The following SLC24A2 variants were observed in gnomAD, a reference collection of about 807,000 sequenced individuals.
The protein encoded by SLC24A2 is sodium/potassium/calcium exchanger 2.
Under a neutral mutation model 62.0 loss-of-function variants are expected in SLC24A2, and 36 were observed. The observed-to-expected ratio is 0.58, with a 90% confidence interval of 0.44 to 0.77. The LOEUF (loss-of-function observed/expected upper bound fraction) is 0.77, where lower values mean the gene tolerates loss of function less well. SLC24A2 is among the 30% of genes least tolerant of loss of function. The pLI is 0.00. For missense variants in SLC24A2, 846 were observed against 817.9 expected (o/e 1.03, Z -0.42); for synonymous variants, 358 against 294.0 (o/e 1.22, Z -2.23).
the SLC24A2 span, among the ~76,000 whole-genome samples, chr9:19,924,719 GAGAAA>G: frequency 6.6e-6 from 1 of 152,180 alleles, no homozygotes; most frequent in African/African-American, 2.4e-5. Flanking sequence ...AATAAAGGAG[GAGAAA>G]AGAAGACTGA....
the SLC24A2 span, among the ~76,000 whole-genome samples, chr9:20,157,280 C>T: frequency 6.6e-6 from 1 of 151,290 alleles, no homozygotes; most frequent in East Asian, 2.0e-4. Context: ...ACACATGACC[C>T]ACATATTTAG....
At chr9:20,024,033 T>G in the SLC24A2 span, among the ~76,000 whole-genome samples, 1 of 152,222 alleles carries the variant, frequency 6.6e-6, no homozygotes, top group African/African-American at 2.4e-5. Flanking sequence ...GGAAACGCTT[T>G]CCCATTTTCC....
the SLC24A2 span, among the ~76,000 whole-genome samples, chr9:19,922,622 C>T: frequency 6.6e-6 from 1 of 152,184 alleles, no homozygotes; most frequent in Non-Finnish European, 1.5e-5. Context: ...GCCTGCTTCA[C>T]AGGAGGGATT....
the SLC24A2 span, among the ~76,000 whole-genome samples, chr9:20,268,657 T>A: frequency 6.6e-6 from 1 of 152,118 alleles, no homozygotes; most frequent in Non-Finnish European, 1.5e-5. Context: ...CTGTGACAAA[T>A]AAATTATATA....
At chr9:20,135,811 C>T in the SLC24A2 span, among the ~76,000 whole-genome samples, 2 of 151,952 alleles carry the variant, frequency 1.3e-5, no homozygotes, top group Admixed American at 6.6e-5. Flanking sequence ...TCATATATTT[C>T]GTGGAGTTGG....
At chr9:19,838,767 T>TA in the SLC24A2 span, among the ~76,000 whole-genome samples, 1 of 147,370 alleles carries the variant, frequency 6.8e-6, no homozygotes. Context: ...TTTTCCTAAT[T>TA]TAAAAAAAAA....
chr9:20,221,309 A>C, the SLC24A2 span, among the ~76,000 whole-genome samples: 1 of 152,120 alleles, frequency 6.6e-6, no homozygotes, highest in Non-Finnish European at 1.5e-5. Flanking sequence ...TGATAGCAGT[A>C]AGAGTGATGA....
At chr9:20,141,235 G>C in the SLC24A2 span, among the ~76,000 whole-genome samples, 4 of 152,190 alleles carry the variant, frequency 2.6e-5, no homozygotes, top group African/African-American at 9.6e-5. Context: ...GTAAGAGATA[G>C]AGGCAAGACA....
chr9:20,244,985 A>T, the SLC24A2 span, among the ~76,000 whole-genome samples: 2 of 152,244 alleles, frequency 1.3e-5, no homozygotes, highest in African/African-American at 4.8e-5. Context: ...TGCTAGATGC[A>T]GAAAGTACAG....
the SLC24A2 span, among the ~76,000 whole-genome samples, chr9:20,193,966 T>C: frequency 3.3e-5 from 5 of 152,116 alleles, no homozygotes; most frequent in African/African-American, 4.8e-5. Context: ...AGTAATCAAA[T>C]AGAAGTAGCA....
At chr9:19,862,003 G>C in the SLC24A2 span, among the ~76,000 whole-genome samples, 1 of 152,276 alleles carries the variant, frequency 6.6e-6, no homozygotes, top group Middle Eastern at 3.4e-3. Flanking sequence ...AGAGGAGGTA[G>C]AGAAAGAGAC....
At chr9:20,189,997 C>T in the SLC24A2 span, among the ~76,000 whole-genome samples, 1 of 152,116 alleles carries the variant, frequency 6.6e-6, no homozygotes, top group East Asian at 1.9e-4. Context: ...TCCAAGCATC[C>T]AGGAGGAATG....
At chr9:20,102,554 G>T in the SLC24A2 span, among the ~76,000 whole-genome samples, 1 of 151,800 alleles carries the variant, frequency 6.6e-6, no homozygotes, top group Non-Finnish European at 1.5e-5. Context: ...ATGACGGGTT[G>T]ATGGGTGCAG....
At chr9:19,744,009 T>C (rs1396373072) in intron 2 of SLC24A2, among the ~76,000 whole-genome samples, 2 of 152,084 alleles carry the variant, frequency 1.3e-5, no homozygotes, top group Non-Finnish European at 2.9e-5. Flanking sequence ...GTCCTGATCA[T>C]CACCGCAACC....
intron 7 of SLC24A2, among the ~76,000 whole-genome samples, chr9:19,561,298 C>T (rs4977560): frequency 0.92 from 139,753 of 152,044 alleles, 64,214 homozygotes; most frequent in East Asian, 1. Context: ...CTATCACTTA[C>T]CTCTTATCCA....
the SLC24A2 span, among the ~76,000 whole-genome samples, chr9:20,184,190 G>T: frequency 6.6e-6 from 1 of 152,112 alleles, no homozygotes; most frequent in South Asian, 2.1e-4. Flanking sequence ...TAATTATCAC[G>T]GAAATGGAAA....
At chr9:19,849,299 A>T in the SLC24A2 span, among the ~76,000 whole-genome samples, 1 of 152,344 alleles carries the variant, frequency 6.6e-6, no homozygotes, top group Admixed American at 6.5e-5. Flanking sequence ...AAATCCTATG[A>T]AGATACACGT....
chr9:20,192,395 G>A, the SLC24A2 span, among the ~76,000 whole-genome samples: 1 of 151,848 alleles, frequency 6.6e-6, no homozygotes, highest in Non-Finnish European at 1.5e-5. Context: ...ATATATTTAA[G>A]AAAGATATTC....
the SLC24A2 span, among the ~76,000 whole-genome samples, chr9:20,245,809 T>G: frequency 6.6e-6 from 1 of 152,240 alleles, no homozygotes; most frequent in Admixed American, 6.5e-5. Context: ...TAATAGTAGC[T>G]AACTTTTACT....
Sources: gnomAD v4.1 joint callset for allele counts (sites outside exome capture counted in the v4.1 genomes callset) on GRCh38, gnomAD v4.1.1 for gene constraint, MANE v1.5 for transcripts, NCBI Gene and HGNC (gene_info 2026-07-23, HGNC 2026-07-21) for gene names.